The following CRIM1 variants were observed in gnomAD, a reference collection of about 807,000 sequenced individuals.
The protein encoded by CRIM1 is cysteine rich transmembrane BMP regulator 1.
In CRIM1, 32 loss-of-function variants were observed where a neutral mutation model predicts 116.4. The observed-to-expected ratio is 0.27, with a 90% CI of 0.21 to 0.37. The LOEUF (loss-of-function observed/expected upper bound fraction) is 0.37. Among genes scored for constraint, CRIM1 ranks in the 10% least tolerant of loss-of-function variants. The pLI is 1.00. For synonymous variants in CRIM1, 590 were observed against 509.2 expected, an observed-to-expected ratio of 1.16 and a Z score of -2.13; for missense variants, 1,331 against 1,354.8, an observed-to-expected ratio of 0.98 and a Z score of 0.28.
At chr2:36,450,246 C>T (rs1289362707) in intron 4 of CRIM1, among the ~76,000 whole-genome samples, 2 of 152,116 alleles carry the variant, frequency 1.3e-5, no homozygotes, top group Non-Finnish European at 2.9e-5. Flanking sequence ...CACACAGGCT[C>T]ACCTGTGTGA....
chr2:36,506,240 C>T (rs554400788), intron 8 of CRIM1, among the ~76,000 whole-genome samples: 5 of 151,230 alleles, frequency 3.3e-5, no homozygotes, highest in African/African-American at 4.9e-5. Flanking sequence ...ATGTAGATAC[C>T]CCAGTTCACC....
chr2:36,357,129 T>C (rs532688932), intron 1 of CRIM1, among the ~76,000 whole-genome samples: 6 of 152,320 alleles, frequency 3.9e-5, no homozygotes, highest in South Asian at 2.1e-4. Flanking sequence ...GTGACTCTTA[T>C]TATTTTTTCC....
intron 2 of CRIM1, among the ~76,000 whole-genome samples, chr2:36,432,010 G>A (rs1392802139): frequency 6.6e-6 from 1 of 152,112 alleles, no homozygotes; most frequent in Admixed American, 6.5e-5. Context: ...CATTACTTGG[G>A]GAGTTCTTAA....
chr2:36,373,928 A>C (rs1271422182), intron 1 of CRIM1, among the ~76,000 whole-genome samples: 3 of 152,216 alleles, frequency 2.0e-5, no homozygotes, highest in African/African-American at 7.2e-5. Flanking sequence ...GAACAAAAAA[A>C]AATCTGCCTC....
rs78790864 is a variant in CRIM1, at chr2:36,431,906, G to C, written c.506-9352G>C. 2.3e-3 allele frequency among the ~76,000 whole-genome samples: 357 copies of C among 152,278 alleles called. 2 individuals carry two copies. Among genetic ancestry groups the C allele is most frequent in the Non-Finnish European group, 4.2e-3 (283 of 68,016 alleles). On this transcript the variant is annotated intron_variant, in intron 2 of 16. Coordinates refer to ENST00000280527, the MANE Select transcript of CRIM1 (RefSeq NM_016441.3). ...CAAATTGCTGTCATTGTTGCACAAA[G>C]GAAGAACCAAGTTACCGTGTCCCTT...
At position 36,355,948 on chromosome 2, in the gene CRIM1, G is replaced by T; in HGVS notation, c.-345G>T. Reference sequence around the variant, plus strand: ...GGCGCCGCCGGCCCGGGCTGGAGCCGAGCGCAGCAGCCACCGCCGCCGCCG... The same window carrying T: ...GGCGCCGCCGGCCCGGGCTGGAGCCTAGCGCAGCAGCCACCGCCGCCGCCG... On this transcript the variant is annotated 5_prime_UTR_variant, in exon 1 of 17. Coordinates refer to ENST00000280527, the MANE Select transcript of CRIM1 (RefSeq NM_016441.3). The T allele has an allele frequency of 6.6e-6, 1 of 152,082 alleles. No homozygotes were observed. Among genetic ancestry groups the T allele is most frequent in the South Asian group, 2.0e-4 (1 of 4,968 alleles). 9.4% of individuals were successfully genotyped at this position (152,082 alleles called of 1,614,324 possible).
intron 1 of CRIM1, chr2:36,378,274 A>G (rs4670547): frequency 0.23 from 109,868 of 470,268 alleles, 14,353 homozygotes; most frequent in Non-Finnish European, 0.28. Context: ...TCTTCACATT[A>G]CATCACATTG....
chr2:36,542,693 G>A (rs1372917801), intron 14 of CRIM1, among the ~76,000 whole-genome samples: 1 of 152,202 alleles, frequency 6.6e-6, no homozygotes, highest in Non-Finnish European at 1.5e-5. Context: ...TGAAGCCCTG[G>A]ACTAGGCAGG....
At chr2:36,392,425 A>G (rs1671686448) in intron 1 of CRIM1, among the ~76,000 whole-genome samples, 1 of 151,922 alleles carries the variant, frequency 6.6e-6, no homozygotes, top group Non-Finnish European at 1.5e-5. Flanking sequence ...TCATATAGTT[A>G]AAAACCAGTA....
chr2:36,489,062 A>G (rs1680043016), intron 7 of CRIM1, among the ~76,000 whole-genome samples: 1 of 152,170 alleles, frequency 6.6e-6, no homozygotes, highest in Non-Finnish European at 1.5e-5. Context: ...CCTTACTTTA[A>G]AAAAGTATTC....
intron 2 of CRIM1, among the ~76,000 whole-genome samples, chr2:36,412,563 G>GT (rs1021322867): frequency 2.6e-5 from 4 of 152,078 alleles, no homozygotes; most frequent in Non-Finnish European, 5.9e-5. Flanking sequence ...TCATGGATTT[G>GT]TATTATTTGT....
chr2:36,546,456 G>C (rs1380076594), intron 15 of CRIM1, among the ~76,000 whole-genome samples: 1 of 152,096 alleles, frequency 6.6e-6, no homozygotes, highest in Non-Finnish European at 1.5e-5. Flanking sequence ...ATATTGCTTA[G>C]AGTTCAGTGA....
intron 1 of CRIM1, among the ~76,000 whole-genome samples, chr2:36,387,037 T>C (rs4670550): frequency 0.55 from 82,873 of 151,974 alleles, 23,346 homozygotes; most frequent in East Asian, 0.71. Flanking sequence ...ACTGGCTTTG[T>C]GTTATTCCAT....
chr2:36,378,353 C>A (rs570287781), intron 1 of CRIM1: 1 of 471,078 alleles, frequency 2.1e-6, no homozygotes, highest in South Asian at 1.5e-5. Flanking sequence ...ATGTTTCTCT[C>A]TAGCTGCGGG....
At chr2:36,393,333 T>TTATA (rs1348572235) in intron 1 of CRIM1, among the ~76,000 whole-genome samples, 1 of 152,134 alleles carries the variant, frequency 6.6e-6, no homozygotes, top group Admixed American at 6.5e-5. Context: ...AACATGTTCT[T>TTATA]TATATTATCT....
In CRIM1 at chr2:36,421,593, G is replaced by A. The variant is rs778616157; in HGVS notation, c.506-19665G>A. 7.9e-5 allele frequency among the ~76,000 whole-genome samples: 12 copies of A among 152,250 alleles called. 1 individual carries two copies. Among genetic ancestry groups the A allele is most frequent in the Middle Eastern group, 3.4e-3 (1 of 292 alleles). ...ACTCAGGGAAAGGGAATTACCAGCT[G>A]GCGAAAAAGCAGTAGAATGAAGTGT... On this transcript the variant is annotated intron_variant, in intron 2 of 16. Coordinates refer to ENST00000280527, the MANE Select transcript of CRIM1 (RefSeq NM_016441.3).
intron 2 of CRIM1, among the ~76,000 whole-genome samples, chr2:36,436,707 T>TACATAC (rs1223307734): frequency 3.9e-5 from 6 of 152,150 alleles, no homozygotes; most frequent in African/African-American, 1.4e-4. Flanking sequence ...AGACCACACA[T>TACATAC]ACATACACAC....
At chr2:36,526,380 A>G (rs1572931547) in intron 13 of CRIM1, among the ~76,000 whole-genome samples, 1 of 152,338 alleles carries the variant, frequency 6.6e-6, no homozygotes, top group East Asian at 1.9e-4. Context: ...GTAAACAGCA[A>G]ATGCCTCTGT....
intron 1 of CRIM1, among the ~76,000 whole-genome samples, chr2:36,362,987 C>G (rs1350560782): frequency 1.3e-5 from 2 of 151,926 alleles, no homozygotes; most frequent in African/African-American, 4.8e-5. Context: ...CGCCTGAGGT[C>G]AGGAGTTCAA....
Sources: allele counts gnomAD v4.1 joint callset (sites outside exome capture counted in the v4.1 genomes callset), GRCh38; gene constraint gnomAD v4.1.1; transcripts MANE v1.5; gene names NCBI Gene and HGNC (gene_info 2026-07-23, HGNC 2026-07-21).